The following CLSTN1 variants were observed in gnomAD, a reference collection of about 807,000 sequenced individuals.
The protein encoded by CLSTN1 is calsyntenin-1.
In CLSTN1, 28 loss-of-function variants were observed where a neutral mutation model predicts 108.3. The ratio of observed to expected loss-of-function variants is 0.26; its 90% CI spans 0.19 to 0.35. The LOEUF is 0.35. Ranked by LOEUF, CLSTN1 falls within the 10% of genes least tolerant of loss-of-function variation. CLSTN1 has a pLI of 1.00. For synonymous variants in CLSTN1, 524 were observed against 534.9 expected, an observed-to-expected ratio of 0.98 and a Z score of 0.28; for missense variants, 1,157 against 1,302.6, an observed-to-expected ratio of 0.89 and a Z score of 1.72.
At chr1:9,752,778 C>T (rs1651614859) in intron 4 of CLSTN1, among the ~76,000 whole-genome samples, 1 of 152,156 alleles carries the variant, frequency 6.6e-6, no homozygotes, top group Non-Finnish European at 1.5e-5. Flanking sequence ...ACGAGAATCG[C>T]TTGAACCCTG....
chr1:9,756,641 T>A (rs1392872361), intron 2 of CLSTN1, 131 bp from the exon 3 acceptor site: 12 of 689,084 alleles, frequency 1.7e-5, no homozygotes, highest in Non-Finnish European at 3.0e-5. Context: ...CTTCTACGAT[T>A]GCTACAGCAA....
chr1:9,792,400 A>G (rs555858610), intron 1 of CLSTN1, among the ~76,000 whole-genome samples: 1 of 151,606 alleles, frequency 6.6e-6, no homozygotes, highest in East Asian at 2.0e-4. Flanking sequence ...GTCCACCTAC[A>G]GCAGTGAGAT....
intron 7 of CLSTN1, 52 bp from the exon 8 acceptor site, chr1:9,744,695 C>T (rs1557695202): frequency 1.3e-6 from 2 of 1,543,572 alleles, no homozygotes; most frequent in South Asian, 1.2e-5. Context: ...AGGTCCCGCG[C>T]ACCTCAAGCC....
chr1:9,801,973 CA>C (rs1219390786), intron 1 of CLSTN1, among the ~76,000 whole-genome samples: 4 of 152,226 alleles, frequency 2.6e-5, no homozygotes, highest in African/African-American at 9.6e-5. Context: ...AAACAGCAAA[CA>C]CATGTTTACT....
At chr1:9,742,579 A>G (rs1307673499) in intron 9 of CLSTN1, among the ~76,000 whole-genome samples, 1 of 152,232 alleles carries the variant, frequency 6.6e-6, no homozygotes, top group African/African-American at 2.4e-5. Flanking sequence ...TAAAATGTCC[A>G]CCTATGTTGC....
In CLSTN1 at chr1:9,792,263, A is replaced by G. The variant is rs114250063; in HGVS notation, c.92-18869T>C. ...CCAAAACATAAGCAGCAAGTGTAAC[A>G]GCAATGCCGGTATTCCACACTGACT... On this transcript the variant is annotated intron_variant, in intron 1 of 18. Coordinates refer to ENST00000377298, the MANE Select transcript of CLSTN1 (RefSeq NM_001009566.3). Among the ~76,000 whole-genome samples the G allele has an allele frequency of 5.0e-3, 753 of 151,444 alleles. 7 individuals are homozygous for G. The highest frequency in any genetic ancestry group is 0.016 in the African/African-American group (672 of 41,494).
intron 2 of CLSTN1, among the ~76,000 whole-genome samples, chr1:9,762,559 TCCACTC>T (rs1652129788): frequency 6.8e-6 from 1 of 146,058 alleles, no homozygotes. Context: ...ACGGCTCCGC[TCCACTC>T]GGCCTTGGTG....
Position 9,773,295 on chromosome 1 carries a change from T to C in CLSTN1, c.191A>G (p.Lys64Arg), listed in dbSNP as rs1366387964. 2 of 1,614,028 alleles carry C rather than the reference T, an allele frequency of 1.2e-6. No individual in the cohort carries two copies. Among genetic ancestry groups the C allele is most frequent in the Admixed American group, 3.3e-5 (2 of 59,992 alleles). ...LLDPPLIALD[K>R]DAPLRFAESF... ...ACCTGCAAATCGCAGAGGCGCATCT[T>C]TATCCAGCGCGATCAGTGGGGGGTC... Residue 64 changes from lysine to arginine, a missense_variant, in exon 2 of 19, where the codon AAA becomes AGA. By Grantham distance (26) the Lys-to-Arg change is conservative. Transcript: ENST00000377298.
chr1:9,809,992 T>TAC (rs1332754600), intron 1 of CLSTN1, among the ~76,000 whole-genome samples: 1 of 135,402 alleles, frequency 7.4e-6, no homozygotes, highest in Admixed American at 7.7e-5. Context: ...TGAGCCAAGA[T>TAC]CATGCCACTG....
intron 1 of CLSTN1, among the ~76,000 whole-genome samples, chr1:9,778,204 G>A (rs996626833): frequency 2.5e-4 from 37 of 146,010 alleles, no homozygotes; most frequent in African/African-American, 9.5e-4. Flanking sequence ...AAAAGGTGGT[G>A]GTGTTATTTC....
intron 1 of CLSTN1, among the ~76,000 whole-genome samples, chr1:9,789,044 A>G (rs1653638658): frequency 1.3e-5 from 2 of 151,374 alleles, no homozygotes; most frequent in Admixed American, 6.7e-5. Flanking sequence ...GTTCCGTTAG[A>G]AGGATACCAT....
At position 9,733,561 on chromosome 1, in the gene CLSTN1, AG is replaced by A; in HGVS notation, c.2282-16del. 6.2e-7 allele frequency: 1 copy of A among 1,613,436 alleles called. No individual in the cohort carries two copies. The highest frequency in any genetic ancestry group is 2.2e-5 in the East Asian group (1 of 44,882). On this transcript the variant is annotated splice_polypyrimidine_tract_variant and intron_variant, in intron 15 of 18. Transcript: ENST00000377298. The stretch of plus-strand genomic sequence containing the variant: ...GGTGTCCACGCCTGCAGGGGTTGAA[AG>A]GGGGAAGATTGCCGGGTGGCTTAGG...
At chr1:9,750,715 CAAAA>C (rs775430059) in intron 5 of CLSTN1, among the ~76,000 whole-genome samples, 11 of 77,164 alleles carry the variant, frequency 1.4e-4, no homozygotes, top group East Asian at 7.3e-4. Context: ...TTCCCTCAAA[CAAAA>C]AAAAAAAAAA....
chr1:9,808,869 C>T (rs557590121), intron 1 of CLSTN1, among the ~76,000 whole-genome samples: 5 of 151,870 alleles, frequency 3.3e-5, no homozygotes, highest in African/African-American at 1.2e-4. Context: ...ACAGCCGGGA[C>T]TGCTCTAGCC....
At position 9,735,947 on chromosome 1, in the gene CLSTN1, G is replaced by T. The variant is rs1178994332; in HGVS notation, c.1672C>A (p.Leu558Met). The T allele has an allele frequency of 9.9e-6, 16 of 1,614,102 alleles. No individual in the cohort carries two copies. Among genetic ancestry groups the T allele is most frequent in the Non-Finnish European group, 1.4e-5 (16 of 1,180,052 alleles). Residue 558 changes from leucine (L) to methionine (M), a missense_variant, in exon 12 of 19, where the codon CTG becomes ATG. By Grantham distance (15) the Leu-to-Met change is conservative (BLOSUM62 2). Transcript: ENST00000377298. ...KLADKKVIDC[L>M]YTCKEGLDLQ... ...TCCAGCCCCTCCTTGCAGGTATACAGACAGTCGATCACCTTCTTATCCGCG... is the reference window on the plus strand; with the variant it reads ...TCCAGCCCCTCCTTGCAGGTATACATACAGTCGATCACCTTCTTATCCGCG...
intron 4 of CLSTN1, among the ~76,000 whole-genome samples, chr1:9,754,853 C>T (rs1390751710): frequency 2.0e-5 from 3 of 152,132 alleles, no homozygotes; most frequent in Admixed American, 1.3e-4. Flanking sequence ...AAAACTCCAT[C>T]TCAAAAAACA....
At position 9,735,138 on chromosome 1, in the gene CLSTN1, C is replaced by G; in HGVS notation, c.1920G>C (p.Pro640=). Residue 640 remains proline, a synonymous_variant, in exon 14 of 19, where the codon CCG becomes CCC. Transcript: ENST00000377298. ...GTAAAACCATCACGTAGCCATCTAC[C>G]GGGGGGACCGAAATGCAGGTGGCCT... ...FNEATCISVP[P]VDGYVMVLQP... is the part of the protein sequence containing the mutation. The G allele has an allele frequency of 6.2e-7, 1 of 1,614,150 alleles. No individual in the cohort carries two copies. The highest frequency in any genetic ancestry group is 8.5e-7 in the Non-Finnish European group (1 of 1,180,030).
intron 5 of CLSTN1, 60 bp downstream of exon 5, chr1:9,751,413 A>C: frequency 6.5e-7 from 1 of 1,533,340 alleles, no homozygotes; most frequent in South Asian, 1.1e-5. Flanking sequence ...TGGGGTGTAA[A>C]GTCAGTGGGG....
intron 1 of CLSTN1, among the ~76,000 whole-genome samples, chr1:9,786,668 A>C (rs945181591): frequency 5.3e-5 from 8 of 150,132 alleles, no homozygotes; most frequent in Admixed American, 1.4e-4. Flanking sequence ...AAAAAAAAAA[A>C]AAAAACAAAG....
Sources: allele counts gnomAD v4.1 joint callset (sites outside exome capture counted in the v4.1 genomes callset), GRCh38; gene constraint gnomAD v4.1.1; transcripts MANE v1.5; gene names NCBI Gene and HGNC (gene_info 2026-07-23, HGNC 2026-07-21).